Variants in PLXDC2 observed in about 807,000 individuals in gnomAD.
PLXDC2 encodes the protein plexin domain containing 2.
A neutral mutation model predicts 68.9 loss-of-function variants in PLXDC2; 40 were observed. That is an observed-to-expected ratio of 0.58 (90% CI 0.45 to 0.76). The LOEUF is 0.76. PLXDC2 is among the 30% of genes least tolerant of loss of function. PLXDC2 has a pLI of 0.00. For missense variants in PLXDC2, 644 were observed against 661.9 expected (o/e 0.97, Z 0.30); for synonymous variants, 243 against 234.2 (o/e 1.04, Z -0.34).
intron 7 of PLXDC2, among the ~76,000 whole-genome samples, chr10:20,173,452 T>C (rs2131822978): frequency 6.6e-6 from 1 of 152,334 alleles, no homozygotes. Flanking sequence ...TGTGTTCAGT[T>C]CAGCTAGAGT....
rs1443208872 is a variant in PLXDC2, at chr10:20,280,738, G to T, written c.*919G>T. On this transcript the variant is annotated 3_prime_UTR_variant, in exon 14 of 14. Transcript: ENST00000377252. ...CATTTTTGAAACAAAAATGTTAAGGGATTTTAAACATATGATTATTTTTAA... is the reference window on the plus strand; with the variant it reads ...CATTTTTGAAACAAAAATGTTAAGGTATTTTAAACATATGATTATTTTTAA... 6.6e-6 allele frequency: 1 copy of T among 152,000 alleles called. No individual in the cohort carries two copies. The highest frequency in any genetic ancestry group is 1.5e-5 in the Non-Finnish European group (1 of 67,996). 9.4% of individuals were successfully genotyped at this position (152,000 alleles called of 1,614,324 possible).
intron 1 of PLXDC2, among the ~76,000 whole-genome samples, chr10:19,858,978 G>A (rs748095710): frequency 3.3e-5 from 5 of 151,766 alleles, no homozygotes; most frequent in Non-Finnish European, 7.4e-5. Flanking sequence ...ACTCATGGTG[G>A]AAGGTGAAGG....
At chr10:20,176,151 C>T (rs555303970) in intron 7 of PLXDC2, among the ~76,000 whole-genome samples, 5 of 152,202 alleles carry the variant, frequency 3.3e-5, no homozygotes, top group African/African-American at 9.6e-5. Context: ...TAAACTACAT[C>T]GTGCAATATA....
intron 1 of PLXDC2, among the ~76,000 whole-genome samples, chr10:19,922,938 C>T (rs1194114558): frequency 1.3e-5 from 2 of 152,064 alleles, no homozygotes. Context: ...CTCTCAAATG[C>T]AAAGCTTTTT....
At chr10:20,006,620 A>G (rs775430065) in intron 2 of PLXDC2, among the ~76,000 whole-genome samples, 1 of 152,212 alleles carries the variant, frequency 6.6e-6, no homozygotes, top group Non-Finnish European at 1.5e-5. Context: ...AACACAAGAC[A>G]ATAGCATGTT....
intron 1 of PLXDC2, among the ~76,000 whole-genome samples, chr10:19,822,357 A>G (rs1466525896): frequency 6.6e-6 from 1 of 151,616 alleles, no homozygotes; most frequent in African/African-American, 2.4e-5. Context: ...TATGTGGAAT[A>G]TATATCCAGT....
In PLXDC2 at chr10:20,137,997, C is replaced by T. The variant is rs371616670; in HGVS notation, c.542-5298C>T. Among the ~76,000 whole-genome samples the T allele has an allele frequency of 1.2e-4, 18 of 152,272 alleles. No homozygotes were observed. The East Asian group carries it at 3.3e-3, about 28-fold the overall frequency. ...CTTAGCTGCCAGGAAAGGCTCAGTC[C>T]ACCTGTGACCCAGAATCAAAATAAC... On this transcript the variant is annotated intron_variant, in intron 4 of 13. Coordinates refer to ENST00000377252, the MANE Select transcript of PLXDC2 (RefSeq NM_032812.9).
chr10:20,198,692 G>C (rs982287639), intron 9 of PLXDC2, among the ~76,000 whole-genome samples: 2 of 152,036 alleles, frequency 1.3e-5, no homozygotes, highest in African/African-American at 4.8e-5. Flanking sequence ...TCTGATGAGG[G>C]TTATTATGAG....
chr10:20,134,585 C>A (rs977773155), intron 4 of PLXDC2, among the ~76,000 whole-genome samples: 1 of 152,260 alleles, frequency 6.6e-6, no homozygotes, highest in Admixed American at 6.5e-5. Context: ...TCTGGGTCTG[C>A]ATGACAGGCA....
At chr10:20,095,528 G>A (rs1833338888) in intron 4 of PLXDC2, among the ~76,000 whole-genome samples, 1 of 152,184 alleles carries the variant, frequency 6.6e-6, no homozygotes, top group Admixed American at 6.6e-5. Context: ...TCAGGTGTAA[G>A]TGGACATTTT....
intron 4 of PLXDC2, among the ~76,000 whole-genome samples, chr10:20,099,293 G>A (rs1421437092): frequency 6.6e-6 from 1 of 151,986 alleles, no homozygotes; most frequent in Non-Finnish European, 1.5e-5. Context: ...TATTCTTCCA[G>A]CCATACAAAA....
intron 2 of PLXDC2, among the ~76,000 whole-genome samples, chr10:20,016,829 G>A (rs540232535): frequency 2.3e-4 from 35 of 152,300 alleles, no homozygotes; most frequent in African/African-American, 7.0e-4. Flanking sequence ...ATGAAGCAGT[G>A]CTTATATTAG....
At chr10:20,221,940 A>T (rs536973813) in intron 12 of PLXDC2, among the ~76,000 whole-genome samples, 1 of 152,200 alleles carries the variant, frequency 6.6e-6, no homozygotes, top group African/African-American at 2.4e-5. Context: ...GTTTTTTAAA[A>T]TAAGTTTTAT....
intron 4 of PLXDC2, among the ~76,000 whole-genome samples, chr10:20,110,659 C>T (rs923160538): frequency 2.0e-5 from 3 of 152,156 alleles, no homozygotes; most frequent in African/African-American, 7.2e-5. Context: ...CAGTCAGCCC[C>T]TCCTTGTGCC....
intron 1 of PLXDC2, among the ~76,000 whole-genome samples, chr10:19,963,658 A>C (rs1250482228): frequency 6.6e-6 from 1 of 151,960 alleles, no homozygotes; most frequent in Admixed American, 6.6e-5. Flanking sequence ...GGACACAGGA[A>C]GGGGAACATC....
At chr10:19,861,808 G>A (rs1837324104) in intron 1 of PLXDC2, among the ~76,000 whole-genome samples, 1 of 152,094 alleles carries the variant, frequency 6.6e-6, no homozygotes, top group Admixed American at 6.6e-5. Context: ...AAGATAATTG[G>A]CTTCATGCTA....
intron 1 of PLXDC2, among the ~76,000 whole-genome samples, chr10:19,936,971 C>T (rs1411557620): frequency 1.3e-5 from 2 of 152,172 alleles, no homozygotes; most frequent in African/African-American, 2.4e-5. Context: ...ATCGAGAGCT[C>T]ATCTCAGCAC....
chr10:20,128,082 C>T (rs1314207338), intron 4 of PLXDC2, among the ~76,000 whole-genome samples: 2 of 152,120 alleles, frequency 1.3e-5, no homozygotes, highest in African/African-American at 4.8e-5. Flanking sequence ...TAACTGTCTT[C>T]TAGAAAGGCT....
chr10:20,146,213 G>A (rs1260743694), intron 5 of PLXDC2, among the ~76,000 whole-genome samples: 2 of 152,058 alleles, frequency 1.3e-5, no homozygotes, highest in Non-Finnish European at 2.9e-5. Context: ...GTAGACATGT[G>A]TGAAGGAAAA....
Sources: gnomAD v4.1 joint callset for allele counts (sites outside exome capture counted in the v4.1 genomes callset) on GRCh38, gnomAD v4.1.1 for gene constraint, MANE v1.5 for transcripts, NCBI Gene and HGNC (gene_info 2026-07-23, HGNC 2026-07-21) for gene names.